The following ANKRD29 variants were observed in gnomAD, a reference collection of about 807,000 sequenced individuals.
ANKRD29 encodes the protein ankyrin repeat domain 29, also known as ankyrin repeat domain-containing protein 29.
ANKRD29 carries 32 observed loss-of-function variants against 38.0 expected under a neutral mutation model. The observed-to-expected ratio is 0.84, with a 90% CI of 0.64 to 1.13. ANKRD29 has a LOEUF of 1.13. Ranked by LOEUF, ANKRD29 falls within the 50% of genes most tolerant of loss-of-function variation. The probability of loss-of-function intolerance (pLI) is 0.00; values close to 1 mark genes in which losing one functional copy is unlikely to be tolerated. For synonymous variants in ANKRD29, 135 were observed against 152.4 expected (o/e 0.89, Z 0.84); for missense variants, 357 against 377.9 (o/e 0.94, Z 0.46).
chr18:23,626,395 G>A (rs544165346), intron 6 of ANKRD29, among the ~76,000 whole-genome samples: 1 of 152,324 alleles, frequency 6.6e-6, no homozygotes, highest in Admixed American at 6.5e-5. Context: ...GTTTTAATAA[G>A]GTGGGTGAGT....
chr18:23,659,949 A>G (rs1410746012), intron 1 of ANKRD29, among the ~76,000 whole-genome samples: 1 of 151,626 alleles, frequency 6.6e-6, no homozygotes, highest in Non-Finnish European at 1.5e-5. Context: ...CGTCTCTACT[A>G]AAAATGCAAA....
At chr18:23,641,606 G>A (rs890387947) in intron 3 of ANKRD29, among the ~76,000 whole-genome samples, 15 of 152,218 alleles carry the variant, frequency 9.9e-5, no homozygotes, top group Admixed American at 5.2e-4. Flanking sequence ...GCCTGTAGGC[G>A]CCCCTTGGCA....
At chr18:23,628,924 A>G (rs1313244218) in intron 6 of ANKRD29, among the ~76,000 whole-genome samples, 6 of 151,784 alleles carry the variant, frequency 4.0e-5, no homozygotes, top group Non-Finnish European at 8.8e-5. Context: ...AAGGTTCTTC[A>G]CTGTTTATAA....
chr18:23,619,804 G>A (rs993119718), intron 6 of ANKRD29, 175 bp from the exon 7 acceptor site: 22 of 563,834 alleles, frequency 3.9e-5, no homozygotes, highest in Non-Finnish European at 6.1e-5. Context: ...AAAAGAGGGG[G>A]TGTGTGTAGC....
chr18:23,651,418 G>A (rs1373807318), intron 1 of ANKRD29, among the ~76,000 whole-genome samples: 2 of 152,148 alleles, frequency 1.3e-5, no homozygotes, highest in Non-Finnish European at 2.9e-5. Flanking sequence ...TCAGTAACTA[G>A]GCAAAGAAAT....
chr18:23,622,861 C>T (rs1277365723), intron 6 of ANKRD29, among the ~76,000 whole-genome samples: 1 of 152,148 alleles, frequency 6.6e-6, no homozygotes, highest in Non-Finnish European at 1.5e-5. Flanking sequence ...GCCACTGTGC[C>T]TGGCCAAAAA....
At chr18:23,620,071 C>G (rs578061726) in intron 6 of ANKRD29, among the ~76,000 whole-genome samples, 1 of 152,270 alleles carries the variant, frequency 6.6e-6, no homozygotes, top group African/African-American at 2.4e-5. Context: ...CTGTCCATTT[C>G]TTTGCTTTCC....
intron 1 of ANKRD29, among the ~76,000 whole-genome samples, chr18:23,662,253 C>T (rs1022217678): frequency 6.6e-6 from 1 of 152,174 alleles, no homozygotes; most frequent in African/African-American, 2.4e-5. Context: ...GACAAGACAC[C>T]TTTGGACCCT....
intron 5 of ANKRD29, among the ~76,000 whole-genome samples, chr18:23,630,978 A>AG (rs1311796119): frequency 6.6e-6 from 1 of 150,424 alleles, no homozygotes; most frequent in Non-Finnish European, 1.5e-5. Flanking sequence ...AAAAAAAAAA[A>AG]AAAAGAAAAA....
intron 6 of ANKRD29, among the ~76,000 whole-genome samples, chr18:23,626,236 T>C (rs760833505): frequency 2.0e-5 from 3 of 152,180 alleles, no homozygotes; most frequent in Non-Finnish European, 4.4e-5. Context: ...AGGCTTCTGT[T>C]AGGAGATGGC....
At chr18:23,660,822 C>T (rs1210487773) in intron 1 of ANKRD29, among the ~76,000 whole-genome samples, 4 of 152,190 alleles carry the variant, frequency 2.6e-5, no homozygotes, top group African/African-American at 9.7e-5. Context: ...AACAAACAAA[C>T]TAACAAAAAT....
At chr18:23,634,606 T>A (rs752818514) in intron 4 of ANKRD29, among the ~76,000 whole-genome samples, 2 of 152,112 alleles carry the variant, frequency 1.3e-5, no homozygotes, top group Non-Finnish European at 2.9e-5. Flanking sequence ...CCCTCTTTTA[T>A]CCCTTTTACT....
chr18:23,608,763 T>C (rs2059603209), intron 9 of ANKRD29, among the ~76,000 whole-genome samples: 1 of 152,182 alleles, frequency 6.6e-6, no homozygotes, highest in African/African-American at 2.4e-5. Context: ...AACAGCCCTT[T>C]CCCGAAAAGA....
intron 8 of ANKRD29, among the ~76,000 whole-genome samples, chr18:23,616,803 TA>T (rs1019306304): frequency 4.7e-5 from 7 of 147,372 alleles, no homozygotes; most frequent in Non-Finnish European, 1.0e-4. Context: ...ATAATAAAAT[TA>T]ATATAATCAA....
At position 23,662,848 on chromosome 18, in the gene ANKRD29, C is replaced by T; in HGVS notation, c.-118G>A. On this transcript the variant is annotated 5_prime_UTR_variant, in exon 1 of 10. Coordinates refer to ENST00000592179, the MANE Select transcript of ANKRD29 (RefSeq NM_173505.4). ...CGCAGAGGGGCGGCCTCCGACGCCG[C>T]GCGCTCCCGCCGCCCGGCCCGGCAG... The T allele has an allele frequency of 1.0e-6, 1 of 964,746 alleles. No individual in the cohort carries two copies. The highest frequency in any genetic ancestry group is 1.3e-6 in the Non-Finnish European group (1 of 781,760). The allele number at this position is 964,746 out of a possible 1,614,324, so 59.8% of individuals were successfully genotyped here.
intron 8 of ANKRD29, among the ~76,000 whole-genome samples, chr18:23,617,404 A>C (rs2059737927): frequency 6.6e-6 from 1 of 152,182 alleles, no homozygotes; most frequent in African/African-American, 2.4e-5. Flanking sequence ...AAGAGAACAG[A>C]CATAAGTGTC....
At chr18:23,619,370 G>A in intron 7 of ANKRD29, 161 bp downstream of exon 7, 1 of 661,808 alleles carries the variant, frequency 1.5e-6, no homozygotes, top group East Asian at 3.0e-5. Context: ...GAGGAGGAGA[G>A]AGACCGAGCA....
At chr18:23,649,232 T>G in intron 1 of ANKRD29, 39 bp from the exon 2 acceptor site, 2 of 1,460,222 alleles carry the variant, frequency 1.4e-6, no homozygotes, top group Non-Finnish European at 1.9e-6. Context: ...AAAATTGATG[T>G]CAGTTAACAT....
chr18:23,603,373 C>T (rs1167731843), intron 9 of ANKRD29, among the ~76,000 whole-genome samples: 1 of 152,278 alleles, frequency 6.6e-6, no homozygotes, highest in African/African-American at 2.4e-5. Context: ...TGGCTCACGC[C>T]TGTAATCCCA....
Sources: allele counts gnomAD v4.1 joint callset (sites outside exome capture counted in the v4.1 genomes callset), GRCh38; gene constraint gnomAD v4.1.1; transcripts MANE v1.5; gene names NCBI Gene and HGNC (gene_info 2026-07-23, HGNC 2026-07-21).